Variants in NTRK2 observed in about 807,000 individuals in gnomAD.
NTRK2 encodes the protein neurotrophic receptor tyrosine kinase 2, also known as BDNF/NT-3 growth factors receptor.
NTRK2 carries 13 observed loss-of-function variants against 94.5 expected under a neutral mutation model. The ratio of observed to expected loss-of-function variants is 0.14; its 90% CI spans 0.09 to 0.22. The LOEUF (loss-of-function observed/expected upper bound fraction) is 0.22. Ranked by LOEUF, NTRK2 falls within the 10% of genes least tolerant of loss-of-function variation. The probability of loss-of-function intolerance (pLI) is 1.00; values close to 1 mark genes in which losing one functional copy is unlikely to be tolerated. For synonymous variants in NTRK2, 372 were observed against 407.4 expected, an observed-to-expected ratio of 0.91 and a Z score of 1.05; for missense variants, 639 against 1,071.2, an observed-to-expected ratio of 0.60 and a Z score of 5.63.
chr9:84,858,886 C>G (rs2075197137), intron 12 of NTRK2, among the ~76,000 whole-genome samples: 1 of 152,072 alleles, frequency 6.6e-6, no homozygotes, highest in South Asian at 2.1e-4. Context: ...AAAAAAAACC[C>G]ACTATGATTT....
chr9:84,715,552 A>G (rs1004252208), intron 6 of NTRK2, among the ~76,000 whole-genome samples: 2 of 152,218 alleles, frequency 1.3e-5, no homozygotes, highest in African/African-American at 4.8e-5. Context: ...AAACCTTAGA[A>G]AAACTTTGTT....
intron 12 of NTRK2, among the ~76,000 whole-genome samples, chr9:84,831,322 C>G (rs2073531599): frequency 6.6e-6 from 1 of 152,142 alleles, no homozygotes; most frequent in African/African-American, 2.4e-5. Context: ...TGTTAGCAAC[C>G]TTGTTAACAT....
intron 12 of NTRK2, among the ~76,000 whole-genome samples, chr9:84,847,510 A>G (rs2131847912): frequency 6.6e-6 from 1 of 152,318 alleles, no homozygotes; most frequent in Middle Eastern, 3.4e-3. Context: ...CAACTTGAAG[A>G]CAAACATTTG....
intron 12 of NTRK2, among the ~76,000 whole-genome samples, chr9:84,752,508 C>T (rs1411583607): frequency 6.6e-6 from 1 of 152,216 alleles, no homozygotes; most frequent in Non-Finnish European, 1.5e-5. Context: ...GTTGTTCCTG[C>T]TTTTCCAGAT....
intron 14 of NTRK2, among the ~76,000 whole-genome samples, chr9:84,880,334 C>T (rs891083284): frequency 2.6e-5 from 4 of 152,164 alleles, no homozygotes; most frequent in African/African-American, 7.2e-5. Flanking sequence ...TGGGCAGGGT[C>T]ACCCTGTACA....
At chr9:85,013,460 C>A (rs1364260184) in intron 17 of NTRK2, among the ~76,000 whole-genome samples, 1 of 152,004 alleles carries the variant, frequency 6.6e-6, no homozygotes, top group African/African-American at 2.4e-5. Flanking sequence ...GTGACACCAC[C>A]CATGGCTAAT....
At chr9:84,732,582 T>C (rs763927357) in intron 9 of NTRK2, among the ~76,000 whole-genome samples, 7 of 152,204 alleles carry the variant, frequency 4.6e-5, no homozygotes, top group Non-Finnish European at 1.0e-4. Context: ...AATTGAGAAA[T>C]GGCATGTCCC....
In NTRK2 at chr9:84,815,579, G is replaced by A. The variant is rs147840837; in HGVS notation, c.1397-45461G>A. ...AAAAGCCATCTTTTCCACATTTTCT[G>A]TAAATAATGGATAATCATTTTAAAA... is the stretch of plus-strand genomic sequence containing the variant. On this transcript the variant is annotated intron_variant, in intron 12 of 18. Transcript: ENST00000277120. The A allele has an allele frequency of 4.0e-6, 4 of 995,088 alleles. No homozygotes were observed. The African/African-American group carries it at 5.7e-5, about 14-fold the overall frequency. 61.6% of individuals were successfully genotyped at this position (995,088 alleles called of 1,614,324 possible).
chr9:84,676,726 G>T (rs951171422), intron 2 of NTRK2, among the ~76,000 whole-genome samples: 1 of 152,042 alleles, frequency 6.6e-6, no homozygotes, highest in East Asian at 1.9e-4. Context: ...CCTAATTCTG[G>T]CTCATCATTT....
chr9:84,872,141 T>C, intron 14 of NTRK2: 1 of 1,264,396 alleles, frequency 7.9e-7, no homozygotes, highest in East Asian at 3.3e-5. Context: ...ACTAGCTCGT[T>C]TAGACGTGTC....
chr9:84,776,638 G>T (rs138498403), intron 12 of NTRK2, among the ~76,000 whole-genome samples: 1 of 152,302 alleles, frequency 6.6e-6, no homozygotes, highest in East Asian at 1.9e-4. Context: ...TGAGATTTTG[G>T]GGTCAGAGAC....
At chr9:84,945,999 C>T (rs1047695567) in intron 15 of NTRK2, among the ~76,000 whole-genome samples, 2 of 152,182 alleles carry the variant, frequency 1.3e-5, no homozygotes, top group African/African-American at 4.8e-5. Context: ...CTCCAGGTCA[C>T]GTAGGTCAGG....
intron 12 of NTRK2, among the ~76,000 whole-genome samples, 169 bp from the exon 13 acceptor site, chr9:84,860,871 G>A (rs2075301393): frequency 6.6e-6 from 1 of 151,486 alleles, no homozygotes; most frequent in Admixed American, 6.6e-5. Flanking sequence ...TTGATAGGAA[G>A]CTTTCATCCC....
intron 17 of NTRK2, among the ~76,000 whole-genome samples, chr9:84,999,780 C>G (rs146372702): frequency 2.8e-4 from 42 of 152,262 alleles, no homozygotes; most frequent in South Asian, 1.7e-3. Flanking sequence ...AGTGGACTTC[C>G]AGCCACACTG....
At chr9:84,788,874 T>G (rs2068420883) in intron 12 of NTRK2, among the ~76,000 whole-genome samples, 1 of 152,042 alleles carries the variant, frequency 6.6e-6, no homozygotes, top group Non-Finnish European at 1.5e-5. Context: ...AAACAAGGAA[T>G]TAGAACACAG....
chr9:84,996,266 G>T (rs1367537221), intron 17 of NTRK2, among the ~76,000 whole-genome samples: 1 of 152,236 alleles, frequency 6.6e-6, no homozygotes, highest in East Asian at 1.9e-4. Flanking sequence ...TATTAGTGCA[G>T]CATGAAAGAC....
chr9:84,844,869 C>A (rs955709012), intron 12 of NTRK2, among the ~76,000 whole-genome samples: 1 of 151,450 alleles, frequency 6.6e-6, no homozygotes, highest in Admixed American at 6.6e-5. Flanking sequence ...CCAAAAAACA[C>A]CTGTACTCCA....
chr9:84,874,698 C>T (rs199836711), intron 14 of NTRK2: 2 of 1,062,266 alleles, frequency 1.9e-6, no homozygotes, highest in Non-Finnish European at 2.3e-6. Flanking sequence ...GACTCAGCCC[C>T]TAACTGGAAG....
intron 12 of NTRK2, among the ~76,000 whole-genome samples, chr9:84,790,393 A>G (rs1050005248): frequency 6.6e-6 from 1 of 152,194 alleles, no homozygotes; most frequent in Non-Finnish European, 1.5e-5. Context: ...TTCTTATTGA[A>G]CATTTTGACA....
Sources: gnomAD v4.1 joint callset for allele counts (sites outside exome capture counted in the v4.1 genomes callset) on GRCh38, gnomAD v4.1.1 for gene constraint, MANE v1.5 for transcripts, NCBI Gene and HGNC (gene_info 2026-07-23, HGNC 2026-07-21) for gene names.